TSPAN13: variants seen among roughly 807,000 people sequenced by gnomAD.
TSPAN13 encodes tetraspanin 13.
Under a neutral mutation model 26.9 loss-of-function variants are expected in TSPAN13, and 18 were observed. The ratio of observed to expected loss-of-function variants is 0.67; its 90% CI spans 0.46 to 0.99. The LOEUF (loss-of-function observed/expected upper bound fraction) is 0.99. Among genes scored for constraint, TSPAN13 ranks in the 50% least tolerant of loss-of-function variants. The pLI is 0.00. For missense variants in TSPAN13, 201 were observed against 249.6 expected, an observed-to-expected ratio of 0.81 and a Z score of 1.31; for synonymous variants, 116 against 98.4, an observed-to-expected ratio of 1.18 and a Z score of -1.06.
chr7:16,781,407 G>A (rs1243327312), intron 5 of TSPAN13, among the ~76,000 whole-genome samples: 8 of 152,178 alleles, frequency 5.3e-5, no homozygotes, highest in Non-Finnish European at 7.3e-5. Flanking sequence ...TCTAGAGACC[G>A]CAGAGTTGAT....
intron 1 of TSPAN13, among the ~76,000 whole-genome samples, chr7:16,764,273 C>T (rs193286926): frequency 2.0e-5 from 3 of 152,104 alleles, no homozygotes; most frequent in East Asian, 1.9e-4. Flanking sequence ...GTGATCTGCC[C>T]GCCTTGGCCT....
At chr7:16,779,604 G>A (rs1400940343) in intron 5 of TSPAN13, among the ~76,000 whole-genome samples, 7 of 151,654 alleles carry the variant, frequency 4.6e-5, no homozygotes, top group Non-Finnish European at 2.9e-5. Flanking sequence ...ATGTCTATAT[G>A]TGTATAATGT....
intron 2 of TSPAN13, among the ~76,000 whole-genome samples, chr7:16,776,707 GT>G (rs1014454834): frequency 2.9e-4 from 44 of 151,340 alleles, no homozygotes; most frequent in African/African-American, 9.7e-4. Flanking sequence ...GAATTTCAGT[GT>G]TTTTTTTAGA....
intron 1 of TSPAN13, among the ~76,000 whole-genome samples, chr7:16,765,086 G>C (rs1156368916): frequency 1.3e-5 from 2 of 151,918 alleles, no homozygotes; most frequent in Non-Finnish European, 2.9e-5. Flanking sequence ...TGTTTGTGCT[G>C]TGAGCCCTGG....
In TSPAN13 at chr7:16,784,297, C is replaced by T. The variant is rs1046764504; in HGVS notation, c.*806C>T. ...AAGTTAGTATTAATGCGTTGGCCCA[C>T]GTAGCAAAAAGATATTTGATTATCT... is the stretch of plus-strand genomic sequence containing the variant. On this transcript the variant is annotated 3_prime_UTR_variant, in exon 6 of 6. Coordinates refer to ENST00000262067, the MANE Select transcript of TSPAN13 (RefSeq NM_014399.4). 3 of 152,142 alleles carry T rather than the reference C, an allele frequency of 2.0e-5. No homozygotes were observed. The highest frequency in any genetic ancestry group is 1.9e-4 in the East Asian group (1 of 5,200). The allele number at this position is 152,142 out of a possible 1,614,324, so 9.4% of individuals were successfully genotyped here. A position where few individuals can be genotyped will look rare whatever the true frequency, so the allele number is the denominator to read the frequency against.
At chr7:16,759,641 C>G (rs1168056) in intron 1 of TSPAN13, among the ~76,000 whole-genome samples, 101,197 of 151,570 alleles carry the variant, frequency 0.67, 35,418 homozygotes, top group African/African-American at 0.89. Context: ...TAGAGGGAAT[C>G]GTCTTTGAAA....
At chr7:16,766,918 A>T (rs73299654) in intron 1 of TSPAN13, among the ~76,000 whole-genome samples, 195 of 152,302 alleles carry the variant, frequency 1.3e-3, no homozygotes, top group African/African-American at 4.6e-3. Flanking sequence ...TACATTTCAC[A>T]TATGCCAGTG....
At chr7:16,760,222 G>T (rs1784527669) in intron 1 of TSPAN13, among the ~76,000 whole-genome samples, 1 of 152,166 alleles carries the variant, frequency 6.6e-6, no homozygotes. Context: ...TTTGAGTTAA[G>T]AATATATTAT....
At chr7:16,780,125 A>T (rs1489933961) in intron 5 of TSPAN13, among the ~76,000 whole-genome samples, 2 of 151,202 alleles carry the variant, frequency 1.3e-5, no homozygotes, top group Non-Finnish European at 2.9e-5. Flanking sequence ...TTTGAGACAG[A>T]GTCTTGCTCT....
At chr7:16,777,570 G>T (rs1784768101) in intron 3 of TSPAN13, among the ~76,000 whole-genome samples, 1 of 152,056 alleles carries the variant, frequency 6.6e-6, no homozygotes, top group African/African-American at 2.4e-5. Flanking sequence ...CTTTTAAATT[G>T]CATGTAAATT....
At chr7:16,773,028 TAATA>T (rs1784699003) in intron 1 of TSPAN13, among the ~76,000 whole-genome samples, 1 of 151,848 alleles carries the variant, frequency 6.6e-6, no homozygotes, top group Non-Finnish European at 1.5e-5. Context: ...AATAAATAAA[TAATA>T]AATACTTATT....
intron 1 of TSPAN13, among the ~76,000 whole-genome samples, chr7:16,773,970 T>G (rs1380382): frequency 0.22 from 33,823 of 152,178 alleles, 4,332 homozygotes; most frequent in African/African-American, 0.36. Flanking sequence ...TGGTGCCCAG[T>G]TGTTTGGTCA....
At chr7:16,772,363 C>T (rs191388341) in intron 1 of TSPAN13, among the ~76,000 whole-genome samples, 34 of 152,286 alleles carry the variant, frequency 2.2e-4, no homozygotes, top group African/African-American at 8.2e-4. Context: ...TTACCACGAA[C>T]ATGGTGACTC....
chr7:16,766,223 A>G (rs896577563), intron 1 of TSPAN13, among the ~76,000 whole-genome samples: 1 of 152,244 alleles, frequency 6.6e-6, no homozygotes, highest in Non-Finnish European at 1.5e-5. Context: ...AGCTTTTTAA[A>G]TGAAAAAATC....
At chr7:16,773,813 C>T (rs2115332904) in intron 1 of TSPAN13, among the ~76,000 whole-genome samples, 1 of 152,252 alleles carries the variant, frequency 6.6e-6, no homozygotes, top group East Asian at 1.9e-4. Flanking sequence ...CTTATTCATG[C>T]TTCTTATCTT....
chr7:16,759,690 T>C (rs939246524), intron 1 of TSPAN13, among the ~76,000 whole-genome samples: 1 of 143,444 alleles, frequency 7.0e-6, no homozygotes, highest in African/African-American at 2.7e-5. Context: ...TTTTTTCTTT[T>C]CTTTCTTTCT....
At chr7:16,768,365 A>G (rs1404867816) in intron 1 of TSPAN13, among the ~76,000 whole-genome samples, 2 of 152,222 alleles carry the variant, frequency 1.3e-5, no homozygotes, top group Non-Finnish European at 2.9e-5. Context: ...ATCTACAGCC[A>G]GGTAGCCTGG....
rs1331093372 is a variant in TSPAN13 at position 16,777,898 on chromosome 7, A to G, written c.413A>G (p.Asp138Gly). 1.9e-6 allele frequency: 3 copies of G among 1,612,464 alleles called. No individual in the cohort carries two copies. The highest frequency in any genetic ancestry group is 1.7e-6 in the Non-Finnish European group (2 of 1,178,994). Reference sequence around the variant, plus strand: ...GGGTTCCGAAGTGTTAACCCAAATGACACCTGTCTGGCTGTAAGTACATTG... The same window carrying G: ...GGGTTCCGAAGTGTTAACCCAAATGGCACCTGTCTGGCTGTAAGTACATTG... ...CCGFRSVNPNDTCLASCVKSD... is the reference protein window; with the variant it reads ...CCGFRSVNPNGTCLASCVKSD... The change falls in exon 4 of 6, where the codon GAC (aspartate) becomes GGC (glycine). Residue 138 changes from aspartate (D) to glycine (G), a missense_variant. Physicochemically the swap from Asp to Gly is moderately conservative, Grantham distance 94 (BLOSUM62 -1). Coordinates refer to ENST00000262067, the MANE Select transcript of TSPAN13 (RefSeq NM_014399.4).
At chr7:16,776,181 T>C in intron 1 of TSPAN13, 30 bp from the exon 2 acceptor site, 2 of 1,609,256 alleles carry the variant, frequency 1.2e-6, no homozygotes, top group Non-Finnish European at 1.7e-6. Context: ...TCTCTCGTCC[T>C]CTACCCCTGC....
Sources: allele counts gnomAD v4.1 joint callset (sites outside exome capture counted in the v4.1 genomes callset), GRCh38; gene constraint gnomAD v4.1.1; transcripts MANE v1.5; gene names NCBI Gene and HGNC (gene_info 2026-07-23, HGNC 2026-07-21).